The following ST6GALNAC3 variants were observed in gnomAD, a reference collection of about 807,000 sequenced individuals.
ST6GALNAC3 encodes the protein ST6 N-acetylgalactosaminide alpha-2,6-sialyltransferase 3, also known as alpha-N-acetylgalactosaminide alpha-2,6-sialyltransferase 3.
Under a neutral mutation model 32.7 loss-of-function variants are expected in ST6GALNAC3, and 25 were observed. The observed-to-expected ratio is 0.76, with a 90% CI of 0.56 to 1.07. ST6GALNAC3 has a LOEUF of 1.07. Among genes scored for constraint, ST6GALNAC3 ranks in the 50% least tolerant of loss-of-function variants. The probability of loss-of-function intolerance (pLI) is 0.00; values close to 1 mark genes in which losing one functional copy is unlikely to be tolerated. For missense variants in ST6GALNAC3, 355 were observed against 382.4 expected (o/e 0.93, Z 0.60); for synonymous variants, 129 against 133.1 (o/e 0.97, Z 0.21).
chr1:76,447,596 G>C (rs1419556136), intron 3 of ST6GALNAC3, among the ~76,000 whole-genome samples: 1 of 152,122 alleles, frequency 6.6e-6, no homozygotes, highest in African/African-American at 2.4e-5. Context: ...AGGAGGAGGA[G>C]ATGGTTTCGT....
intron 3 of ST6GALNAC3, among the ~76,000 whole-genome samples, chr1:76,462,659 C>G (rs1290867659): frequency 6.6e-6 from 1 of 152,004 alleles, no homozygotes; most frequent in Non-Finnish European, 1.5e-5. Flanking sequence ...CTTGTTTGAC[C>G]ACAAGTCACA....
At chr1:76,412,948 T>G (rs1302061710) in intron 3 of ST6GALNAC3, 2 of 334,882 alleles carry the variant, frequency 6.0e-6, no homozygotes, top group Non-Finnish European at 1.2e-5. Context: ...GAATACCATA[T>G]TGAAATTATA....
intron 1 of ST6GALNAC3, among the ~76,000 whole-genome samples, chr1:76,130,855 T>C (rs1261410185): frequency 6.6e-6 from 1 of 152,238 alleles, no homozygotes; most frequent in Non-Finnish European, 1.5e-5. Context: ...GGTTTTCTGC[T>C]GCTACTGACT....
At chr1:76,441,714 C>T (rs1198926659) in intron 3 of ST6GALNAC3, among the ~76,000 whole-genome samples, 1 of 151,928 alleles carries the variant, frequency 6.6e-6, no homozygotes, top group Non-Finnish European at 1.5e-5. Flanking sequence ...AGGTCTTATT[C>T]ATTATTTCTA....
chr1:76,392,355 C>T (rs1652633446), intron 2 of ST6GALNAC3, among the ~76,000 whole-genome samples: 1 of 152,072 alleles, frequency 6.6e-6, no homozygotes, highest in Non-Finnish European at 1.5e-5. Context: ...AGCTGATGCC[C>T]AATGCTAGCA....
intron 2 of ST6GALNAC3, among the ~76,000 whole-genome samples, chr1:76,348,911 T>C (rs1329525782): frequency 6.6e-6 from 1 of 152,212 alleles, no homozygotes; most frequent in Non-Finnish European, 1.5e-5. Context: ...GCAGAGTGCC[T>C]GGCTCATAGT....
intron 3 of ST6GALNAC3, among the ~76,000 whole-genome samples, chr1:76,604,064 C>T (rs1339212233): frequency 6.6e-6 from 1 of 151,966 alleles, no homozygotes; most frequent in African/African-American, 2.4e-5. Flanking sequence ...ATTGGCTGGG[C>T]CTTGCAAAGT....
chr1:76,601,842 T>G (rs2100632469), intron 3 of ST6GALNAC3, among the ~76,000 whole-genome samples: 1 of 152,130 alleles, frequency 6.6e-6, no homozygotes, highest in Non-Finnish European at 1.5e-5. Flanking sequence ...CATGACCAGT[T>G]GAGAGCAAGG....
intron 3 of ST6GALNAC3, among the ~76,000 whole-genome samples, chr1:76,463,607 ATTG>A (rs1475919137): frequency 6.6e-6 from 1 of 152,098 alleles, no homozygotes; most frequent in African/African-American, 2.4e-5. Context: ...GAGCTAGCCA[ATTG>A]TTGTACCCTG....
chr1:76,447,306 A>C (rs1657049776), intron 3 of ST6GALNAC3, among the ~76,000 whole-genome samples: 2 of 152,210 alleles, frequency 1.3e-5, no homozygotes, highest in African/African-American at 4.8e-5. Flanking sequence ...CATCTGGCAG[A>C]AGAAATTTCT....
At chr1:76,088,619 A>G (rs527956440) in intron 1 of ST6GALNAC3, among the ~76,000 whole-genome samples, 4 of 152,158 alleles carry the variant, frequency 2.6e-5, no homozygotes, top group South Asian at 2.1e-4. Context: ...TCAATCACTC[A>G]TCTCTCTAGA....
At chr1:76,083,311 G>A (rs1484975603) in intron 1 of ST6GALNAC3, among the ~76,000 whole-genome samples, 1 of 152,276 alleles carries the variant, frequency 6.6e-6, no homozygotes. Context: ...CACTTGCGGT[G>A]AGCAGGGCTG....
intron 2 of ST6GALNAC3, among the ~76,000 whole-genome samples, chr1:76,328,177 A>T (rs1350033707): frequency 6.6e-6 from 1 of 152,196 alleles, no homozygotes; most frequent in Admixed American, 6.5e-5. Flanking sequence ...TTACACAGAA[A>T]GGACATCCAA....
chr1:76,180,232 T>G (rs1393883293), intron 1 of ST6GALNAC3, among the ~76,000 whole-genome samples: 1 of 152,216 alleles, frequency 6.6e-6, no homozygotes, highest in African/African-American at 2.4e-5. Flanking sequence ...GTTTTGTCAC[T>G]TCTTAATTAT....
chr1:76,250,696 A>G (rs1035213897), intron 1 of ST6GALNAC3, among the ~76,000 whole-genome samples: 10 of 152,168 alleles, frequency 6.6e-5, no homozygotes, highest in Admixed American at 6.6e-4. Context: ...AATTCAGCAC[A>G]TATTTATTTT....
chr1:76,434,930 A>G (rs1035356900), intron 3 of ST6GALNAC3, among the ~76,000 whole-genome samples: 1 of 151,660 alleles, frequency 6.6e-6, no homozygotes, highest in Non-Finnish European at 1.5e-5. Flanking sequence ...AGCTGGGACT[A>G]CAGGCATGCA....
intron 3 of ST6GALNAC3, among the ~76,000 whole-genome samples, chr1:76,512,192 G>T (rs1381560189): frequency 6.6e-6 from 1 of 152,066 alleles, no homozygotes; most frequent in African/African-American, 2.4e-5. Context: ...TTTTATGGGG[G>T]AAAAATTTAC....
chr1:76,510,851 G>T (rs1661811351), intron 3 of ST6GALNAC3, among the ~76,000 whole-genome samples: 1 of 152,136 alleles, frequency 6.6e-6, no homozygotes, highest in East Asian at 1.9e-4. Flanking sequence ...CATGTAATCT[G>T]TTAAATACTG....
chr1:76,625,858 C>T (rs1036962943), intron 3 of ST6GALNAC3, among the ~76,000 whole-genome samples: 3 of 151,840 alleles, frequency 2.0e-5, no homozygotes, highest in Non-Finnish European at 4.4e-5. Context: ...GGGATATTTT[C>T]CATACACCAG....
Sources: allele counts gnomAD v4.1 joint callset (sites outside exome capture counted in the v4.1 genomes callset), GRCh38; gene constraint gnomAD v4.1.1; transcripts MANE v1.5; gene names NCBI Gene and HGNC (gene_info 2026-07-23, HGNC 2026-07-21).